The following LIMS1 variants were observed in gnomAD, a reference collection of about 807,000 sequenced individuals.
LIMS1 encodes LIM and senescent cell antigen-like-containing domain protein 1.
LIMS1 carries 18 observed loss-of-function variants against 44.1 expected under a neutral mutation model. That is an observed-to-expected ratio of 0.41 (90% confidence interval 0.28 to 0.61). The LOEUF (loss-of-function observed/expected upper bound fraction) is 0.61. LIMS1 is among the 20% of genes least tolerant of loss of function. LIMS1 has a pLI of 0.32. For missense variants in LIMS1, 201 were observed against 422.0 expected, an observed-to-expected ratio of 0.48 and a Z score of 4.59; for synonymous variants, 93 against 149.1, an observed-to-expected ratio of 0.62 and a Z score of 2.74.
At chr2:108,629,868 A>G (rs549787806) in intron 1 of LIMS1, among the ~76,000 whole-genome samples, 1 of 152,248 alleles carries the variant, frequency 6.6e-6, no homozygotes, top group African/African-American at 2.4e-5. Flanking sequence ...GCAGCTGCAG[A>G]GGCGTCTTGG....
intron 1 of LIMS1, among the ~76,000 whole-genome samples, chr2:108,621,911 A>AT (rs1490075488): frequency 6.6e-6 from 1 of 152,174 alleles, no homozygotes; most frequent in Non-Finnish European, 1.5e-5. Context: ...TAACAAAGGA[A>AT]TGCAGTGGAA....
chr2:108,626,603 C>T (rs1168384989), intron 1 of LIMS1, among the ~76,000 whole-genome samples: 1 of 152,166 alleles, frequency 6.6e-6, no homozygotes, highest in Non-Finnish European at 1.5e-5. Flanking sequence ...GTGCATCTAG[C>T]ACGTACTGCA....
intron 1 of LIMS1, among the ~76,000 whole-genome samples, chr2:108,604,539 G>A (rs1399869438): frequency 6.6e-6 from 1 of 152,096 alleles, no homozygotes; most frequent in East Asian, 1.9e-4. Context: ...TTTATCCTTA[G>A]CCTCTCAAAT....
chr2:108,606,257 G>C (rs1266034744), intron 1 of LIMS1, among the ~76,000 whole-genome samples: 2 of 152,220 alleles, frequency 1.3e-5, no homozygotes, highest in Non-Finnish European at 2.9e-5. Context: ...AAAAGTTGGT[G>C]AATGAGGATG....
chr2:108,580,719 G>T (rs765176774), intron 1 of LIMS1, among the ~76,000 whole-genome samples: 5 of 152,202 alleles, frequency 3.3e-5, no homozygotes, highest in Non-Finnish European at 5.9e-5. Context: ...GTGTGAGGAT[G>T]ATTAAGTTGT....
At chr2:108,654,013 G>A (rs1690679967) in intron 1 of LIMS1, among the ~76,000 whole-genome samples, 1 of 122,224 alleles carries the variant, frequency 8.2e-6, no homozygotes, top group African/African-American at 2.6e-5. Context: ...TCTCAAGTGA[G>A]CCTCAAAGGG....
intron 1 of LIMS1, among the ~76,000 whole-genome samples, chr2:108,635,048 G>A (rs1018415102): frequency 6.6e-6 from 1 of 152,154 alleles, no homozygotes; most frequent in African/African-American, 2.4e-5. Context: ...CCATGAGGAT[G>A]GGGGTCTACA....
At chr2:108,625,920 G>A (rs1465987119) in intron 1 of LIMS1, among the ~76,000 whole-genome samples, 1 of 152,178 alleles carries the variant, frequency 6.6e-6, no homozygotes. Flanking sequence ...ATGTGTTCCT[G>A]ACTAGTACAT....
chr2:108,629,647 C>A (rs560086033), intron 1 of LIMS1, among the ~76,000 whole-genome samples: 1 of 152,302 alleles, frequency 6.6e-6, no homozygotes, highest in Admixed American at 6.5e-5. Context: ...TACCTTGGGC[C>A]TCTCTGAAGC....
chr2:108,596,915 G>GTTTTTTTTTTTTTTTTTTTTTT (rs34313967), intron 1 of LIMS1, among the ~76,000 whole-genome samples: 1 of 68,444 alleles, frequency 1.5e-5, no homozygotes, highest in Non-Finnish European at 2.7e-5. Flanking sequence ...CGAAACATCT[G>GTTTTTTTTTTTTTTTTTTTTTT]TTTTTTTTTT....
At chr2:108,652,924 A>G (rs115590602) in intron 1 of LIMS1, among the ~76,000 whole-genome samples, 2,737 of 152,322 alleles carry the variant, frequency 0.018, 47 homozygotes, top group African/African-American at 0.039. Context: ...ATTGTAAAAA[A>G]AAAACCTAAA....
chr2:108,660,520 A>G, intron 2 of LIMS1: 1 of 347,710 alleles, frequency 2.9e-6, no homozygotes, highest in Non-Finnish European at 5.7e-6. Context: ...TGCAGCCTTG[A>G]ACTGCTAAGC....
intron 1 of LIMS1, chr2:108,607,030 C>T: frequency 1.7e-6 from 1 of 587,070 alleles, no homozygotes. Flanking sequence ...AACTTCTAAC[C>T]CCAAAGTAAG....
chr2:108,650,491 C>T (rs1367073201), intron 1 of LIMS1, among the ~76,000 whole-genome samples: 1 of 151,544 alleles, frequency 6.6e-6, no homozygotes, highest in African/African-American at 2.4e-5. Context: ...AATCTCGGCT[C>T]ACTGCAGCCT....
At chr2:108,551,953 GTATATA>G (rs10598934) in intron 1 of LIMS1, among the ~76,000 whole-genome samples, 895 of 85,322 alleles carry the variant, frequency 0.01, 3 homozygotes, top group East Asian at 0.042. Context: ...GTGTGTGTGT[GTATATA>G]TATATATATA....
At chr2:108,606,301 A>G (rs772226992) in intron 1 of LIMS1, among the ~76,000 whole-genome samples, 4 of 152,234 alleles carry the variant, frequency 2.6e-5, no homozygotes, top group South Asian at 4.1e-4. Context: ...GGTGCTGACA[A>G]CATTCATTGC....
chr2:108,685,373 T>C (rs1347801799), exon 10 of LIMS1: 1 of 152,184 alleles, frequency 6.6e-6, no homozygotes, highest in African/African-American at 2.4e-5. Flanking sequence ...AAAATGTTGC[T>C]GCTGCTTTGT....
At chr2:108,577,880 T>C (rs1320173890) in intron 1 of LIMS1, among the ~76,000 whole-genome samples, 1 of 152,152 alleles carries the variant, frequency 6.6e-6, no homozygotes, top group Non-Finnish European at 1.5e-5. Context: ...TGTTAAATGC[T>C]ATTCTGAGAT....
intron 1 of LIMS1, among the ~76,000 whole-genome samples, chr2:108,646,270 T>C (rs1031678814): frequency 6.6e-6 from 1 of 151,950 alleles, no homozygotes; most frequent in African/African-American, 2.4e-5. Flanking sequence ...AAAATGGAAA[T>C]CATAATGGTC....
Sources: gnomAD v4.1 joint callset for allele counts (sites outside exome capture counted in the v4.1 genomes callset) on GRCh38, gnomAD v4.1.1 for gene constraint, MANE v1.5 for transcripts, NCBI Gene and HGNC (gene_info 2026-07-23, HGNC 2026-07-21) for gene names.